The following UGT2B4 variants were observed in gnomAD, a reference collection of about 807,000 sequenced individuals.
UGT2B4 encodes UDP glucuronosyltransferase family 2 member B4.
In UGT2B4, 49 loss-of-function variants were observed where a neutral mutation model predicts 49.8. The observed-to-expected ratio is 0.98, with a 90% CI of 0.78 to 1.25. The LOEUF (loss-of-function observed/expected upper bound fraction) is 1.25. Ranked by LOEUF, UGT2B4 falls within the 50% of genes most tolerant of loss-of-function variation. UGT2B4 has a pLI of 0.00. For missense variants in UGT2B4, 729 were observed against 627.7 expected (o/e 1.16, Z -1.73); for synonymous variants, 246 against 217.7 (o/e 1.13, Z -1.14).
At chr4:69,513,993 AT>A (rs1194892296) in intron 1 of UGT2B4, among the ~76,000 whole-genome samples, 1 of 136,722 alleles carries the variant, frequency 7.3e-6, no homozygotes, top group Non-Finnish European at 1.6e-5. Flanking sequence ...ATGGGGTTTT[AT>A]TTTATTTTTT....
At chr4:69,503,172 T>C (rs1479316426) in intron 1 of UGT2B4, among the ~76,000 whole-genome samples, 1 of 152,204 alleles carries the variant, frequency 6.6e-6, no homozygotes, top group Non-Finnish European at 1.5e-5. Context: ...CGGGCAATTC[T>C]GCACATCAGA....
chr4:69,506,296 T>C (rs780071463), intron 1 of UGT2B4, among the ~76,000 whole-genome samples: 2 of 151,926 alleles, frequency 1.3e-5, no homozygotes, highest in Non-Finnish European at 2.9e-5. Context: ...AATCTGGGTA[T>C]TTTTTTGAAA....
At chr4:69,497,269 C>T (rs2109816688), upstream of UGT2B4, among the ~76,000 whole-genome samples, 1 of 152,282 alleles carries the variant, frequency 6.6e-6, no homozygotes, top group East Asian at 1.9e-4. Context: ...ATGCAGTTTC[C>T]AACTCCTACT....
At chr4:69,481,300 G>A (rs566059774) in intron 5 of UGT2B4, among the ~76,000 whole-genome samples, 7 of 151,982 alleles carry the variant, frequency 4.6e-5, no homozygotes, top group South Asian at 4.2e-4. Flanking sequence ...ATTTGCCTGA[G>A]CACATCAAGT....
At position 69,486,594 on chromosome 4, in the gene UGT2B4, T is replaced by C; in HGVS notation, c.1090+15A>G. On this transcript the variant is annotated intron_variant, in intron 4 of 5. Transcript: ENST00000305107. ...TGTTACTAATATATTCAGTATTTGT[T>C]CTTCAGAGACTTACCAAGAAGATCA... 6.4e-7 allele frequency: 1 copy of C among 1,550,840 alleles called. No homozygotes were observed. Among genetic ancestry groups the C allele is most frequent in the Non-Finnish European group, 8.8e-7 (1 of 1,140,772 alleles).
intron 1 of UGT2B4, among the ~76,000 whole-genome samples, chr4:69,502,114 T>TTTCTTTCTTTCTTTCTCTC (rs1728343168): frequency 7.8e-6 from 1 of 128,904 alleles, no homozygotes; most frequent in Non-Finnish European, 1.6e-5. Flanking sequence ...TCTTTCTTTC[T>TTTCTTTCTTTCTTTCTCTC]TTCTTTCTTT....
At chr4:69,522,443 T>G (rs575098850) in intron 1 of UGT2B4, among the ~76,000 whole-genome samples, 1 of 152,326 alleles carries the variant, frequency 6.6e-6, no homozygotes, top group Non-Finnish European at 1.5e-5. Flanking sequence ...ATAAACTCAA[T>G]CACACAAATG....
In UGT2B4 at chr4:69,485,261, T is replaced by C. The variant is rs1022823773; in HGVS notation, c.1257A>G (p.Thr419=). ...CATTGAGTAAGTCTGTACTCGACAT[T>C]GTGTGGAAGTCCAAACTAACAGCTG... ...KGAAVSLDFH[T]MSSTDLLNAL... The change falls in exon 5 of 6, where the codon ACA becomes ACG. Residue 419 remains threonine, a synonymous_variant. Coordinates refer to ENST00000305107, the MANE Select transcript of UGT2B4 (RefSeq NM_021139.3). 6.2e-7 allele frequency: 1 copy of C among 1,613,872 alleles called. No homozygotes were observed. Among genetic ancestry groups the C allele is most frequent in the African/African-American group, 1.3e-5 (1 of 74,880 alleles).
chr4:69,507,544 A>G (rs542139162), intron 1 of UGT2B4, among the ~76,000 whole-genome samples: 94 of 152,236 alleles, frequency 6.2e-4, no homozygotes, highest in African/African-American at 2.2e-3. Context: ...CAAACAAACA[A>G]ACAAGTACTG....
upstream of UGT2B4, among the ~76,000 whole-genome samples, chr4:69,498,200 T>C (rs1156261252): frequency 6.6e-6 from 1 of 152,256 alleles, no homozygotes; most frequent in Non-Finnish European, 1.5e-5. Flanking sequence ...CTTTATTGCA[T>C]GTTTTGCTTT....
In UGT2B4 at chr4:69,495,792, C is replaced by G; in HGVS notation, c.70G>C (p.Gly24Arg). Reference protein sequence around the residue: ...LSCYFSSGSCGKVLVWPTEFS... With the variant: ...LSCYFSSGSCRKVLVWPTEFS... ...TCTGTGGGCCACACCAGCACCTTTC[C>G]ACAACTCCCAGAGCTAAAGTAACAG... Residue 24 changes from glycine to arginine, a missense_variant, in exon 1 of 6, where the codon GGA (glycine) becomes CGA (arginine). Coordinates refer to ENST00000305107, the MANE Select transcript of UGT2B4 (RefSeq NM_021139.3). 2 of 1,613,638 alleles carry G rather than the reference C, an allele frequency of 1.2e-6. No homozygotes were observed. Among genetic ancestry groups the G allele is most frequent in the South Asian group, 2.2e-5 (2 of 90,970 alleles).
At chr4:69,509,441 AT>A (rs752392179) in intron 1 of UGT2B4, among the ~76,000 whole-genome samples, 1 of 152,144 alleles carries the variant, frequency 6.6e-6, no homozygotes, top group Non-Finnish European at 1.5e-5. Flanking sequence ...AATATTTTAT[AT>A]TCTCACCTAC....
At chr4:69,516,675 C>T (rs141671709) in intron 1 of UGT2B4, among the ~76,000 whole-genome samples, 77 of 151,174 alleles carry the variant, frequency 5.1e-4, no homozygotes, top group Non-Finnish European at 9.6e-4. Context: ...GGTGTGATCT[C>T]GGCTCACTGC....
chr4:69,480,746 TC>T lies in UGT2B4; in HGVS notation c.1474del (p.Asp492MetfsTer2), dbSNP rs1475631521. The T allele has an allele frequency of 6.2e-7, 1 of 1,613,828 alleles. No individual in the cohort carries two copies. Among genetic ancestry groups the T allele is most frequent in the Admixed American group, 1.7e-5 (1 of 59,974 alleles). On this transcript the variant is annotated frameshift_variant, in exon 6 of 6. Transcript: ENST00000305107. LOFTEE classifies it high-confidence loss of function. ...DLTWFQYHSL[D>X]VTGFLLACVA... ...ACAGGCCAGCAGGAACCCAGTCACA[TC>T]CAAAGAGTGGTACTGGAACCAGGTG...
At chr4:69,488,073 T>C (rs2109807230) in intron 3 of UGT2B4, among the ~76,000 whole-genome samples, 1 of 152,302 alleles carries the variant, frequency 6.6e-6, no homozygotes, top group East Asian at 1.9e-4. Context: ...GTAGCATGTA[T>C]AACTTCTTGG....
exon 1 of UGT2B4, chr4:69,525,946 A>C (rs1006014366): frequency 1.6e-5 from 3 of 192,596 alleles, no homozygotes; most frequent in African/African-American, 4.8e-5. Context: ...CTAAAAATAC[A>C]AAAAATTAGC....
chr4:69,492,961 ATTTTC>A (rs1050122307), intron 2 of UGT2B4, among the ~76,000 whole-genome samples: 1 of 151,988 alleles, frequency 6.6e-6, no homozygotes, highest in Admixed American at 6.6e-5. Flanking sequence ...CTTATCCCAT[ATTTTC>A]TTTTCTTAAC....
upstream of UGT2B4, among the ~76,000 whole-genome samples, chr4:69,497,274 C>G (rs1324886987): frequency 6.6e-6 from 1 of 152,162 alleles, no homozygotes; most frequent in Non-Finnish European, 1.5e-5. Context: ...GTTTCCAACT[C>G]CTACTGATTT....
At chr4:69,505,241 TA>T (rs1240224761) in intron 1 of UGT2B4, among the ~76,000 whole-genome samples, 2 of 151,998 alleles carry the variant, frequency 1.3e-5, no homozygotes, top group Non-Finnish European at 2.9e-5. Context: ...CTTAAATGTA[TA>T]TGGGCTAAAT....
Sources: allele counts gnomAD v4.1 joint callset (sites outside exome capture counted in the v4.1 genomes callset), GRCh38; gene constraint gnomAD v4.1.1; transcripts MANE v1.5; gene names NCBI Gene and HGNC (gene_info 2026-07-23, HGNC 2026-07-21).